Variants in FUT7 observed in about 807,000 individuals in gnomAD.
The protein encoded by FUT7 is alpha-(1,3)-fucosyltransferase 7.
Under a neutral mutation model 5.0 loss-of-function variants are expected in FUT7, and 2 were observed. The ratio of observed to expected loss-of-function variants is 0.40; its 90% CI spans 0.16 to 1.26. The LOEUF (loss-of-function observed/expected upper bound fraction) is 1.26, where lower values mean the gene tolerates loss of function less well. Among genes scored for constraint, FUT7 ranks in the 50% most tolerant of loss-of-function variants. The pLI, the probability that FUT7 is intolerant of heterozygous loss-of-function variation, is 0.32. For synonymous variants in FUT7, 218 were observed against 210.6 expected, an observed-to-expected ratio of 1.03 and a Z score of -0.30; for missense variants, 461 against 489.8, an observed-to-expected ratio of 0.94 and a Z score of 0.55.
At position 137,030,440 on chromosome 9, in the gene FUT7, G is replaced by C; in HGVS notation, c.*270C>G. 1 of 526,424 alleles carries C rather than the reference G, an allele frequency of 1.9e-6. No homozygotes were observed. Among genetic ancestry groups the C allele is most frequent in the South Asian group, 2.0e-5 (1 of 49,086 alleles). The allele number at this position is 526,424 out of a possible 1,614,324, so 32.6% of individuals were successfully genotyped here. ...CTGCCTTTCACCCTCTTCCAGCCAG[G>C]CCTTCACCCACCCAAGATTTGTTCA... On this transcript the variant is annotated 3_prime_UTR_variant, in exon 2 of 2. Coordinates refer to ENST00000314412, the MANE Select transcript of FUT7 (RefSeq NM_004479.4).
intron 1 of FUT7, 60 bp from the exon 2 acceptor site, chr9:137,031,785 C>T (rs1224205274): frequency 1.3e-6 from 2 of 1,528,942 alleles, no homozygotes; most frequent in African/African-American, 2.7e-5. Flanking sequence ...TCCACACGCC[C>T]CACTCAGCGC....
Position 137,031,421 on chromosome 9 carries a change from G to A in FUT7, c.318C>T (p.Pro106=). Residue 106 remains proline, a synonymous_variant, in exon 2 of 2, where the codon CCC becomes CCT. Transcript: ENST00000314412. ...GCTGCCCTCGCGGCCGCTGGGCCAG[G>A]GGCAGGTGGGACCGCCGGGTCTGCA... ...RELQTRRSHL[P]LAQRPRGQPW... 1 of 1,559,262 alleles carries A rather than the reference G, an allele frequency of 6.4e-7. No individual in the cohort carries two copies. The highest frequency in any genetic ancestry group is 8.7e-7 in the Non-Finnish European group (1 of 1,152,496).
At position 137,031,279 on chromosome 9, in the gene FUT7, C is replaced by A; in HGVS notation, c.460G>T (p.Gly154Cys). The change falls in exon 2 of 2, where the codon GGC becomes TGC. Residue 154 changes from glycine to cysteine, a missense_variant. By Grantham distance (159) the Gly-to-Cys change is radical. Transcript: ENST00000314412. ...GGCCCCCAGTGGGGCTCCAGGCGGC[C>A]ATAGGGCACAAAGATGTCCGAGTCG... Reference protein sequence around the residue: ...RRDSDIFVPYGRLEPHWGPSP... With the variant: ...RRDSDIFVPYCRLEPHWGPSP... 1 of 1,607,756 alleles carries A rather than the reference C, an allele frequency of 6.2e-7. No individual in the cohort carries two copies. Among genetic ancestry groups the A allele is most frequent in the South Asian group, 1.1e-5 (1 of 90,884 alleles).
At position 137,031,397 on chromosome 9, in the gene FUT7, C is replaced by T; in HGVS notation, c.342G>A (p.Gln114=). The change falls in exon 2 of 2, where the codon CAG becomes CAA. Residue 114 remains glutamine, a synonymous_variant. Transcript: ENST00000314412. ...HLPLAQRPRG[Q]PWVWASMESP... ...ACTCCATGGAGGCCCACACCCAGGG[C>T]TGCCCTCGCGGCCGCTGGGCCAGGG... 6.4e-7 allele frequency: 1 copy of T among 1,569,752 alleles called. No individual in the cohort carries two copies. The highest frequency in any genetic ancestry group is 8.6e-7 in the Non-Finnish European group (1 of 1,158,878).
Position 137,030,324 on chromosome 9 carries a change from G to T in FUT7, c.*386C>A, listed in dbSNP as rs923964214. The stretch of plus-strand genomic sequence containing the variant: ...CAGGGACCCGTGCCTGTGTCTCGGG[G>T]ACCACAGGGCCTCTGCTACCGAGGA... On this transcript the variant is annotated 3_prime_UTR_variant, in exon 2 of 2. Transcript: ENST00000314412. 3.4e-6 allele frequency: 1 copy of T among 294,016 alleles called. No individual in the cohort carries two copies. The highest frequency in any genetic ancestry group is 8.5e-5 in the East Asian group (1 of 11,798). The allele number at this position is 294,016 out of a possible 1,614,324, so 18.2% of individuals were successfully genotyped here. A position where few individuals can be genotyped will look rare whatever the true frequency, so the allele number is the denominator to read the frequency against.
rs1831833410 is a variant in FUT7 at position 137,030,779 on chromosome 9, G to A, written c.960C>T (p.Ile320=). ...FTDWRERFCA[I]CDRYPHLPRS... Reference sequence around the variant, plus strand: ...GGGGTAGGTGTGGGTAGCGGTCACAGATGGCACAGAAACGTTCCCGCCAGT... The same window carrying A: ...GGGGTAGGTGTGGGTAGCGGTCACAAATGGCACAGAAACGTTCCCGCCAGT... Residue 320 remains isoleucine, a synonymous_variant, in exon 2 of 2, where the codon ATC becomes ATT. Coordinates refer to ENST00000314412, the MANE Select transcript of FUT7 (RefSeq NM_004479.4). The A allele has an allele frequency of 1.2e-6, 2 of 1,612,680 alleles. No individual in the cohort carries two copies. The highest frequency in any genetic ancestry group is 1.7e-6 in the Non-Finnish European group (2 of 1,179,932).
Position 137,031,012 on chromosome 9 carries a change from G to T in FUT7, c.727C>A (p.Arg243Ser). The stretch of plus-strand genomic sequence containing the variant: ...ACAGTGCCAGCCACCAGTGCGTTGC[G>T]CCAGAATTTCTCCGTAATGTAGTCG... The part of the protein sequence containing the change: ...HRDYITEKFW[R>S]NALVAGTVPV... The change falls in exon 2 of 2, where the codon CGC becomes AGC. Residue 243 changes from arginine to serine, a missense_variant. Physicochemically the swap from Arg to Ser is moderately radical, Grantham distance 110. Transcript: ENST00000314412. 1 of 1,612,888 alleles carries T rather than the reference G, an allele frequency of 6.2e-7. No homozygotes were observed. The highest frequency in any genetic ancestry group is 8.5e-7 in the Non-Finnish European group (1 of 1,180,024).
intron 1 of FUT7, 25 bp downstream of exon 1, chr9:137,031,954 G>A: frequency 6.2e-7 from 1 of 1,611,754 alleles, no homozygotes; most frequent in Non-Finnish European, 8.5e-7. Context: ...CCCAGCTTGG[G>A]CCTCCCCGAG....
In FUT7 at chr9:137,031,971, A is replaced by T. The variant is rs1248111214; in HGVS notation, c.13+8T>A. On this transcript the variant is annotated splice_region_variant and intron_variant, in intron 1 of 1. Transcript: ENST00000314412. ...CAGCTTGGGCCTCCCCGAGGGCCAG[A>T]CACTCACCAGCATTATTCATCCACA... 12 of 1,612,550 alleles carry T rather than the reference A, an allele frequency of 7.4e-6. No individual in the cohort carries two copies. Among genetic ancestry groups the T allele is most frequent in the Non-Finnish European group, 1.0e-5 (12 of 1,179,880 alleles).
At position 137,030,174 on chromosome 9, in the gene FUT7, C is replaced by CA. The variant is rs1831813285; in HGVS notation, c.*535dup. On this transcript the variant is annotated 3_prime_UTR_variant, in exon 2 of 2. Transcript: ENST00000314412. ...TGAGACACTGGCCAGACCCACGAGG[C>CA]ACTGCTCAGATGTTTATTGTCCACC... The CA allele has an allele frequency of 5.5e-6, 1 of 181,154 alleles. No individual in the cohort carries two copies. Among genetic ancestry groups the CA allele is most frequent in the African/African-American group, 2.4e-5 (1 of 42,330 alleles). The allele number at this position is 181,154 out of a possible 1,614,324, so 11.2% of individuals were successfully genotyped here.
chr9:137,030,875 A>G lies in FUT7; in HGVS notation c.864T>C (p.Thr288=). ...GSARELAAFL[T]GMNESRYQRF... is the part of the protein sequence containing the mutation. ...GTTGGTATCGGCTCTCATTCATGCC[A>G]GTGAGGAAAGCCGCCAGCTCTCGGG... The change falls in exon 2 of 2, where the codon ACT becomes ACC. Residue 288 remains threonine, a synonymous_variant. Transcript: ENST00000314412. 1 of 1,612,776 alleles carries G rather than the reference A, an allele frequency of 6.2e-7. No homozygotes were observed. The highest frequency in any genetic ancestry group is 8.5e-7 in the Non-Finnish European group (1 of 1,179,982).
Position 137,031,405 on chromosome 9 carries a change from G to T in FUT7, c.334C>A (p.Arg112=), listed in dbSNP as rs755873442. 3.8e-6 allele frequency: 6 copies of T among 1,563,432 alleles called. No homozygotes were observed. The African/African-American group carries it at 6.8e-5, about 18-fold the overall frequency. ...RSHLPLAQRP[R]GQPWVWASME... ...GAGGCCCACACCCAGGGCTGCCCTC[G>T]CGGCCGCTGGGCCAGGGGCAGGTGG... is the stretch of plus-strand genomic sequence containing the variant. The change falls in exon 2 of 2, where the codon CGA becomes AGA. Residue 112 remains arginine, a synonymous_variant. Coordinates refer to ENST00000314412, the MANE Select transcript of FUT7 (RefSeq NM_004479.4).
Position 137,032,028 on chromosome 9 carries a change from A to G in FUT7, c.-37T>C. 1.2e-6 allele frequency: 2 copies of G among 1,611,528 alleles called. No homozygotes were observed. The highest frequency in any genetic ancestry group is 1.7e-6 in the Non-Finnish European group (2 of 1,178,764). ...CAGGATCAGTCAGCCAAGAGACCCG[A>G]GATTCTCAAATCACGGCAGCCGCCA... On this transcript the variant is annotated 5_prime_UTR_variant, in exon 1 of 2. Coordinates refer to ENST00000314412, the MANE Select transcript of FUT7 (RefSeq NM_004479.4).
rs371775512 is a variant in FUT7 at position 137,030,781 on chromosome 9, T to G, written c.958A>C (p.Ile320Leu). 16 of 1,612,368 alleles carry G rather than the reference T, an allele frequency of 9.9e-6. No individual in the cohort carries two copies. Among genetic ancestry groups the G allele is most frequent in the Non-Finnish European group, 1.3e-5 (15 of 1,179,910 alleles). Residue 320 changes from isoleucine to leucine, a missense_variant, in exon 2 of 2, where the codon ATC (isoleucine) becomes CTC (leucine). Ile to Leu is a conservative substitution (Grantham distance 5, BLOSUM62 2). Coordinates refer to ENST00000314412, the MANE Select transcript of FUT7 (RefSeq NM_004479.4). The stretch of plus-strand genomic sequence containing the variant: ...GGTAGGTGTGGGTAGCGGTCACAGA[T>G]GGCACAGAAACGTTCCCGCCAGTCG... The part of the protein sequence containing the change: ...FTDWRERFCA[I>L]CDRYPHLPRS...
rs535596789 is a variant in FUT7, at chr9:137,030,663, G to T, written c.*47C>A. ...GCCGGATGCCTGGTGGTTTGATTTC[G>T]ACACCCAGCCCTTCCACCCACACCC... is the stretch of plus-strand genomic sequence containing the variant. On this transcript the variant is annotated 3_prime_UTR_variant, in exon 2 of 2. Transcript: ENST00000314412. The T allele has an allele frequency of 3.7e-6, 6 of 1,606,478 alleles. No individual in the cohort carries two copies. The East Asian group carries it at 1.1e-4, about 30-fold the overall frequency.
In FUT7 at chr9:137,030,786, C is replaced by A; in HGVS notation, c.953G>T (p.Cys318Phe). The change falls in exon 2 of 2, where the codon TGT (cysteine) becomes TTT (phenylalanine). Residue 318 changes from cysteine to phenylalanine, a missense_variant. Coordinates refer to ENST00000314412, the MANE Select transcript of FUT7 (RefSeq NM_004479.4). ...GTGTGGGTAGCGGTCACAGATGGCA[C>A]AGAAACGTTCCCGCCAGTCGGTGAA... ...RLFTDWRERF[C>F]AICDRYPHLP... is the part of the protein sequence containing the mutation. The A allele has an allele frequency of 6.2e-7, 1 of 1,612,582 alleles. No individual in the cohort carries two copies. The highest frequency in any genetic ancestry group is 8.5e-7 in the Non-Finnish European group (1 of 1,179,890).
chr9:137,030,348 G>T lies in FUT7; in HGVS notation c.*362C>A. ...GGACCACAGGGCCTCTGCTACCGAGGAAGCTCGGGGTCCCAGGTTTGGCCC... is the reference window on the plus strand; with the variant it reads ...GGACCACAGGGCCTCTGCTACCGAGTAAGCTCGGGGTCCCAGGTTTGGCCC... On this transcript the variant is annotated 3_prime_UTR_variant, in exon 2 of 2. Coordinates refer to ENST00000314412, the MANE Select transcript of FUT7 (RefSeq NM_004479.4). The T allele has an allele frequency of 3.1e-6, 1 of 321,868 alleles. No homozygotes were observed. The highest frequency in any genetic ancestry group is 6.0e-6 in the Non-Finnish European group (1 of 166,692). 19.9% of individuals were successfully genotyped at this position (321,868 alleles called of 1,614,324 possible).
Position 137,031,016 on chromosome 9 carries a change from G to A in FUT7, c.723C>T (p.Phe241=), listed in dbSNP as rs1267930818. 8 of 1,612,770 alleles carry A rather than the reference G, an allele frequency of 5.0e-6. No homozygotes were observed. Among genetic ancestry groups the A allele is most frequent in the East Asian group, 4.5e-5 (2 of 44,890 alleles). ...SQHRDYITEK[F]WRNALVAGTV... ...TGCCAGCCACCAGTGCGTTGCGCCA[G>A]AATTTCTCCGTAATGTAGTCGCGGT... The change falls in exon 2 of 2, where the codon TTC becomes TTT. Residue 241 remains phenylalanine (F), a synonymous_variant. Transcript: ENST00000314412.
chr9:137,030,804 T>C lies in FUT7; in HGVS notation c.935A>G (p.Asp312Gly). Reference protein sequence around the residue: ...RDRLRVRLFTDWRERFCAICD... With the variant: ...RDRLRVRLFTGWRERFCAICD... ...GATGGCACAGAAACGTTCCCGCCAG[T>C]CGGTGAACAGTCGCACGCGGAGCCT... Residue 312 changes from aspartate (D) to glycine (G), a missense_variant, in exon 2 of 2, where the codon GAC becomes GGC. Physicochemically the swap from Asp to Gly is moderately conservative, Grantham distance 94. Transcript: ENST00000314412. 2 of 1,612,830 alleles carry C rather than the reference T, an allele frequency of 1.2e-6. No individual in the cohort carries two copies. Among genetic ancestry groups the C allele is most frequent in the Non-Finnish European group, 1.7e-6 (2 of 1,179,980 alleles).
Sources: allele counts gnomAD v4.1 joint callset, GRCh38; gene constraint gnomAD v4.1.1; transcripts MANE v1.5; gene names NCBI Gene and HGNC (gene_info 2026-07-23, HGNC 2026-07-21).